The following TMEM167A variants were observed in gnomAD, a reference collection of about 807,000 sequenced individuals.
TMEM167A encodes the protein transmembrane protein 167A, also known as protein kish-A.
Under a neutral mutation model 11.6 loss-of-function variants are expected in TMEM167A, and 8 were observed. That is an observed-to-expected ratio of 0.69 (90% CI 0.40 to 1.24). The LOEUF (loss-of-function observed/expected upper bound fraction) is 1.24. Among genes scored for constraint, TMEM167A ranks in the 50% most tolerant of loss-of-function variants. TMEM167A has a pLI of 0.01. For synonymous variants in TMEM167A, 22 were observed against 28.0 expected (o/e 0.79, Z 0.67); for missense variants, 62 against 87.0 (o/e 0.71, Z 1.14).
intron 2 of TMEM167A, among the ~76,000 whole-genome samples, chr5:83,063,908 A>G (rs1292924210): frequency 1.5e-5 from 2 of 132,724 alleles, no homozygotes; most frequent in Non-Finnish European, 3.6e-5. Flanking sequence ...TATTTTAAAC[A>G]GTGAAGTCAT....
At chr5:83,072,000 C>T (rs1744569016) in intron 1 of TMEM167A, among the ~76,000 whole-genome samples, 1 of 152,166 alleles carries the variant, frequency 6.6e-6, no homozygotes, top group African/African-American at 2.4e-5. Context: ...TGTACAGAGA[C>T]ATTTTCTACT....
At chr5:83,057,219 A>AT in intron 3 of TMEM167A, 65 bp from the exon 4 acceptor site, 24 of 1,427,560 alleles carry the variant, frequency 1.7e-5, no homozygotes, top group Non-Finnish European at 2.2e-5. Flanking sequence ...TGACAAGGTT[A>AT]TACTACCATA....
chr5:83,057,229 A>G, intron 3 of TMEM167A, 75 bp from the exon 4 acceptor site: 1 of 1,363,966 alleles, frequency 7.3e-7, no homozygotes, highest in Non-Finnish European at 1.0e-6. Context: ...ATACTACCAT[A>G]AGAATCAAGA....
chr5:83,068,281 C>T lies in TMEM167A; in HGVS notation c.4-3164G>A, dbSNP rs1280080964. Among the ~76,000 whole-genome samples, 8 of 152,238 alleles carry T rather than the reference C, an allele frequency of 5.3e-5. No individual in the cohort carries two copies. In the South Asian group the frequency reaches 1.2e-3, roughly 24 times the overall value. ...AAAAAGGCACATGGTATGATTCCTT[C>T]CCTACAGGAGTTTATGGCTAACAAT... On this transcript the variant is annotated intron_variant, in intron 1 of 3. Coordinates refer to ENST00000502346, the MANE Select transcript of TMEM167A (RefSeq NM_174909.5).
At chr5:83,074,997 C>T (rs964154649) in intron 1 of TMEM167A, among the ~76,000 whole-genome samples, 12 of 152,056 alleles carry the variant, frequency 7.9e-5, no homozygotes, top group Admixed American at 2.6e-4. Context: ...CTCCAACTCC[C>T]GACCTCAGTT....
At chr5:83,060,380 C>CT (rs1435338283) in intron 3 of TMEM167A, among the ~76,000 whole-genome samples, 1 of 150,746 alleles carries the variant, frequency 6.6e-6, no homozygotes, top group Admixed American at 6.6e-5. Context: ...AAGAAGAGTA[C>CT]TAAACAAAAG....
rs548678461 is a variant in TMEM167A at position 83,065,169 on chromosome 5, T to A, written c.4-52A>T. Reference sequence around the variant, plus strand: ...TTAATATCAAGAAAAACTGCATAGGTAAAAAATGTTTGACAATTCCACATT... The same window carrying A: ...TTAATATCAAGAAAAACTGCATAGGAAAAAAATGTTTGACAATTCCACATT... On this transcript the variant is annotated intron_variant, in intron 1 of 3. Coordinates refer to ENST00000502346, the MANE Select transcript of TMEM167A (RefSeq NM_174909.5). 4.3e-6 allele frequency: 5 copies of A among 1,161,988 alleles called. No individual in the cohort carries two copies. The Admixed American group carries it at 1.1e-4, about 26-fold the overall frequency. 72.0% of individuals were successfully genotyped at this position (1,161,988 alleles called of 1,614,324 possible).
intron 1 of TMEM167A, among the ~76,000 whole-genome samples, chr5:83,068,590 A>G (rs940277013): frequency 2.0e-5 from 3 of 152,198 alleles, no homozygotes; most frequent in South Asian, 2.1e-4. Flanking sequence ...AACGGAGTCA[A>G]ACCTTGAAAG....
intron 1 of TMEM167A, among the ~76,000 whole-genome samples, chr5:83,075,653 G>A (rs968817214): frequency 1.3e-5 from 2 of 151,978 alleles, no homozygotes; most frequent in Non-Finnish European, 2.9e-5. Context: ...GCTGAGGCAG[G>A]AGAATTGCTT....
intron 1 of TMEM167A, among the ~76,000 whole-genome samples, chr5:83,068,587 T>C (rs984141856): frequency 6.6e-6 from 1 of 151,396 alleles, no homozygotes; most frequent in Non-Finnish European, 1.5e-5. Context: ...AGGAACGGAG[T>C]CAAACCTTGA....
At chr5:83,067,737 T>C (rs925333686) in intron 1 of TMEM167A, among the ~76,000 whole-genome samples, 4 of 152,010 alleles carry the variant, frequency 2.6e-5, no homozygotes, top group African/African-American at 9.7e-5. Context: ...GGACTCAAAC[T>C]CTTGATCTCA....
rs1173014495 is a variant in TMEM167A at position 83,053,372 on chromosome 5, G to A, written c.*3712C>T. 2 of 151,868 alleles carry A rather than the reference G, an allele frequency of 1.3e-5. No homozygotes were observed. Among genetic ancestry groups the A allele is most frequent in the Non-Finnish European group, 2.9e-5 (2 of 67,886 alleles). 9.4% of individuals were successfully genotyped at this position (151,868 alleles called of 1,614,324 possible). ...CAATCAGGGCTGCTTTTGGTATCAA[G>A]AGTATGAGCTATTAAGAGTTTCTAA... On this transcript the variant is annotated 3_prime_UTR_variant, in exon 4 of 4. Coordinates refer to ENST00000502346, the MANE Select transcript of TMEM167A (RefSeq NM_174909.5).
chr5:83,057,264 C>T (rs7724935), intron 3 of TMEM167A, 110 bp from the exon 4 acceptor site: 351,776 of 958,530 alleles, frequency 0.37, 70,689 homozygotes, highest in Non-Finnish European at 0.42. Context: ...AGGAGGCCCG[C>T]ACATTGGGGG....
intron 1 of TMEM167A, among the ~76,000 whole-genome samples, chr5:83,069,669 T>C (rs1169648756): frequency 6.6e-6 from 1 of 152,126 alleles, no homozygotes; most frequent in African/African-American, 2.4e-5. Context: ...TGTATGTGCA[T>C]AATACATACA....
intron 1 of TMEM167A, among the ~76,000 whole-genome samples, chr5:83,066,012 C>A (rs1744475992): frequency 2.0e-5 from 3 of 152,134 alleles, no homozygotes; most frequent in African/African-American, 4.8e-5. Flanking sequence ...CAAACTGTTA[C>A]CTTTATTATA....
intron 1 of TMEM167A, among the ~76,000 whole-genome samples, chr5:83,073,351 C>T (rs948056528): frequency 6.6e-6 from 1 of 151,912 alleles, no homozygotes; most frequent in African/African-American, 2.4e-5. Context: ...AGATATATAA[C>T]AAAAAAAATT....
In TMEM167A at chr5:83,053,897, C is replaced by G. The variant is rs1744293004; in HGVS notation, c.*3187G>C. ...CTTTTAATACATACTTCATCTCTTT[C>G]ACCTAGTGCACTATGAATTACTACG... On this transcript the variant is annotated 3_prime_UTR_variant, in exon 4 of 4. Coordinates refer to ENST00000502346, the MANE Select transcript of TMEM167A (RefSeq NM_174909.5). 6.6e-6 allele frequency: 1 copy of G among 152,006 alleles called. No homozygotes were observed. Among genetic ancestry groups the G allele is most frequent in the South Asian group, 2.1e-4 (1 of 4,828 alleles). 9.4% of individuals were successfully genotyped at this position (152,006 alleles called of 1,614,324 possible).
chr5:83,075,597 T>C (rs1027137672), intron 1 of TMEM167A, among the ~76,000 whole-genome samples: 8 of 152,018 alleles, frequency 5.3e-5, no homozygotes, highest in African/African-American at 1.4e-4. Context: ...ATACAAAAAT[T>C]AGCCAGGCGT....
At chr5:83,066,126 T>C (rs1416859090) in intron 1 of TMEM167A, among the ~76,000 whole-genome samples, 6 of 151,594 alleles carry the variant, frequency 4.0e-5, no homozygotes, top group Non-Finnish European at 5.9e-5. Context: ...TAAGAGAGAG[T>C]TGAAAAAAAT....
Sources: allele counts gnomAD v4.1 joint callset (sites outside exome capture counted in the v4.1 genomes callset), GRCh38; gene constraint gnomAD v4.1.1; transcripts MANE v1.5; gene names NCBI Gene and HGNC (gene_info 2026-07-23, HGNC 2026-07-21).